ANGPT1: variants seen among roughly 807,000 people sequenced by gnomAD.
ANGPT1 encodes the protein angiopoietin 1.
Under a neutral mutation model 62.2 loss-of-function variants are expected in ANGPT1, and 17 were observed. The ratio of observed to expected loss-of-function variants is 0.27; its 90% CI spans 0.19 to 0.41. The LOEUF is 0.41. Among genes scored for constraint, ANGPT1 ranks in the 10% least tolerant of loss-of-function variants. ANGPT1 has a pLI of 1.00. For missense variants in ANGPT1, 478 were observed against 594.9 expected (o/e 0.80, Z 2.04); for synonymous variants, 199 against 198.9 (o/e 1.00, Z 0.00).
At chr8:107,278,662 G>A (rs1035050846) in intron 7 of ANGPT1, among the ~76,000 whole-genome samples, 2 of 152,174 alleles carry the variant, frequency 1.3e-5, no homozygotes, top group African/African-American at 4.8e-5. Flanking sequence ...ATATGGTGAA[G>A]TCCAGGGGCA....
At chr8:107,376,241 T>G (rs1219531348) in intron 1 of ANGPT1, among the ~76,000 whole-genome samples, 3 of 152,190 alleles carry the variant, frequency 2.0e-5, no homozygotes, top group African/African-American at 7.2e-5. Flanking sequence ...AAATTTTAAA[T>G]TCATAACTCT....
At chr8:107,337,952 T>C (rs1261245391) in intron 2 of ANGPT1, among the ~76,000 whole-genome samples, 1 of 151,924 alleles carries the variant, frequency 6.6e-6, no homozygotes, top group Non-Finnish European at 1.5e-5. Flanking sequence ...AAAAATTAAC[T>C]GGGCATGGTG....
chr8:107,296,842 C>T (rs1054756993), intron 5 of ANGPT1, among the ~76,000 whole-genome samples: 4 of 152,006 alleles, frequency 2.6e-5, no homozygotes, highest in African/African-American at 7.2e-5. Context: ...CTTACATACT[C>T]AGGGAAAAGA....
intron 2 of ANGPT1, among the ~76,000 whole-genome samples, chr8:107,342,089 A>C (rs911834786): frequency 1.3e-5 from 2 of 152,096 alleles, no homozygotes; most frequent in Non-Finnish European, 2.9e-5. Context: ...AAAAAAACCC[A>C]AAAAAACATT....
intron 1 of ANGPT1, among the ~76,000 whole-genome samples, chr8:107,373,717 C>T (rs1049637138): frequency 6.6e-6 from 1 of 152,164 alleles, no homozygotes; most frequent in Non-Finnish European, 1.5e-5. Flanking sequence ...GAAAGATTTA[C>T]CATATTTTTC....
intron 8 of ANGPT1, among the ~76,000 whole-genome samples, chr8:107,254,565 G>T (rs573388271): frequency 6.6e-6 from 1 of 152,210 alleles, no homozygotes; most frequent in Non-Finnish European, 1.5e-5. Flanking sequence ...TTTCACATTT[G>T]TGAAAGAAGC....
intron 1 of ANGPT1, among the ~76,000 whole-genome samples, chr8:107,422,713 G>C (rs1400344853): frequency 6.6e-6 from 1 of 152,036 alleles, no homozygotes; most frequent in Admixed American, 6.6e-5. Flanking sequence ...TTTACATCTA[G>C]AGTTTCCTTA....
At chr8:107,454,240 A>G (rs557736958) in intron 1 of ANGPT1, among the ~76,000 whole-genome samples, 72 of 152,196 alleles carry the variant, frequency 4.7e-4, no homozygotes, top group African/African-American at 1.7e-3. Flanking sequence ...TACTTGAGTG[A>G]CCTTAAAAGC....
At position 107,373,200 on chromosome 8, in the gene ANGPT1, CAG is replaced by C. The variant is rs549517830; in HGVS notation, c.298-26105_298-26104del. ...AATCCTTCTCCATTTCCTAACTTTT[CAG>C]TATCTCAATTACCTACTCTCTTAAG... is the stretch of plus-strand genomic sequence containing the variant. On this transcript the variant is annotated intron_variant, in intron 1 of 8. Coordinates refer to ENST00000517746, the MANE Select transcript of ANGPT1 (RefSeq NM_001146.5). Among the ~76,000 whole-genome samples the C allele has an allele frequency of 6.6e-5, 10 of 152,178 alleles. No homozygotes were observed. The South Asian group carries it at 2.1e-3, about 32-fold the overall frequency.
chr8:107,317,913 G>A (rs1035759163), intron 4 of ANGPT1, among the ~76,000 whole-genome samples: 11 of 152,166 alleles, frequency 7.2e-5, no homozygotes, highest in African/African-American at 2.7e-4. Flanking sequence ...TTACAGGCAT[G>A]AGCCACCGCG....
intron 1 of ANGPT1, among the ~76,000 whole-genome samples, chr8:107,427,798 ATCT>A (rs36081041): frequency 0.12 from 18,254 of 152,138 alleles, 1,468 homozygotes; most frequent in East Asian, 0.44. Flanking sequence ...TTCAAATTTG[ATCT>A]TCTCTCAATA....
In ANGPT1 at chr8:107,322,120, T is replaced by C. The variant is rs773341173; in HGVS notation, c.584A>G (p.Glu195Gly). ...TCCTTCCATTTCTAAGATTTTATGT[T>C]CTAATAAACTACAAGGAAGTGAAAA... ...LKIHEKNSLL[E>G]HKILEMEGKH... is the part of the protein sequence containing the mutation. Residue 195 changes from glutamate to glycine, a missense_variant, in exon 4 of 9, where the codon GAA becomes GGA. By Grantham distance (98) the Glu-to-Gly change is moderately conservative. This residue lies in a region of ANGPT1 where 343 missense variants were observed against 355.4 expected (regional missense o/e 0.97). Coordinates refer to ENST00000517746, the MANE Select transcript of ANGPT1 (RefSeq NM_001146.5). 1.9e-6 allele frequency: 3 copies of C among 1,607,714 alleles called. No homozygotes were observed. Among genetic ancestry groups the C allele is most frequent in the Non-Finnish European group, 2.6e-6 (3 of 1,175,594 alleles).
intron 8 of ANGPT1, among the ~76,000 whole-genome samples, chr8:107,255,542 A>G (rs868440290): frequency 1.3e-5 from 2 of 152,206 alleles, no homozygotes; most frequent in African/African-American, 4.8e-5. Context: ...ATCCTACACA[A>G]TAGTACCAAT....
At chr8:107,318,630 G>A (rs1815076467) in intron 4 of ANGPT1, among the ~76,000 whole-genome samples, 1 of 152,098 alleles carries the variant, frequency 6.6e-6, no homozygotes, top group Admixed American at 6.5e-5. Flanking sequence ...CAACATTTAA[G>A]AAATTAATTC....
intron 1 of ANGPT1, among the ~76,000 whole-genome samples, chr8:107,491,384 C>T (rs1029237708): frequency 6.6e-6 from 1 of 151,982 alleles, no homozygotes; most frequent in African/African-American, 2.4e-5. Flanking sequence ...AATAAATAAT[C>T]TGACAGACAA....
intron 4 of ANGPT1, among the ~76,000 whole-genome samples, chr8:107,310,990 TG>T (rs1814845212): frequency 2.0e-5 from 3 of 150,938 alleles, no homozygotes; most frequent in Non-Finnish European, 4.4e-5. Context: ...TGAGTGTGTG[TG>T]TATGTGTGTG....
At chr8:107,486,435 G>A (rs1417861274) in intron 1 of ANGPT1, among the ~76,000 whole-genome samples, 1 of 152,076 alleles carries the variant, frequency 6.6e-6, no homozygotes, top group African/African-American at 2.4e-5. Flanking sequence ...ATTGGCTTTT[G>A]AGGTATTCAA....
intron 1 of ANGPT1, among the ~76,000 whole-genome samples, chr8:107,453,928 C>T (rs1323514779): frequency 6.6e-6 from 1 of 151,778 alleles, no homozygotes; most frequent in Non-Finnish European, 1.5e-5. Flanking sequence ...ATTCACACAT[C>T]TGTGAAGAAA....
chr8:107,262,522 A>T (rs1329545396), intron 8 of ANGPT1, among the ~76,000 whole-genome samples: 1 of 152,236 alleles, frequency 6.6e-6, no homozygotes, highest in African/African-American at 2.4e-5. Flanking sequence ...TATCTCACAG[A>T]GTGGATCTGG....
Sources: allele counts gnomAD v4.1 joint callset (sites outside exome capture counted in the v4.1 genomes callset), GRCh38; gene constraint gnomAD v4.1.1; regional missense constraint gnomAD v4.1.1; transcripts MANE v1.5; gene names NCBI Gene and HGNC (gene_info 2026-07-23, HGNC 2026-07-21).